The following DPYSL5 variants were observed in gnomAD, a reference collection of about 807,000 sequenced individuals.
The protein encoded by DPYSL5 is dihydropyrimidinase-related protein 5.
DPYSL5 carries 9 observed loss-of-function variants against 58.4 expected under a neutral mutation model. The observed-to-expected ratio is 0.15, with a 90% CI of 0.09 to 0.27. The LOEUF is 0.27. DPYSL5 is among the 10% of genes least tolerant of loss of function. The pLI, the probability that DPYSL5 is intolerant of heterozygous loss-of-function variation, is 1.00. For synonymous variants in DPYSL5, 293 were observed against 301.9 expected (o/e 0.97, Z 0.31); for missense variants, 499 against 770.6 (o/e 0.65, Z 4.17).
At chr2:26,913,440 T>C (rs1186875842) in intron 2 of DPYSL5, among the ~76,000 whole-genome samples, 1 of 152,222 alleles carries the variant, frequency 6.6e-6, no homozygotes, top group Non-Finnish European at 1.5e-5. Flanking sequence ...GGTGTCAGAA[T>C]GTCCTTCCTT....
At chr2:26,861,788 C>T (rs1277410616) in intron 1 of DPYSL5, among the ~76,000 whole-genome samples, 1 of 152,192 alleles carries the variant, frequency 6.6e-6, no homozygotes, top group Non-Finnish European at 1.5e-5. Flanking sequence ...TTATGTAATC[C>T]TCTATCTTTG....
At chr2:26,939,687 A>T in intron 8 of DPYSL5, 1 of 221,658 alleles carries the variant, frequency 4.5e-6, no homozygotes, top group East Asian at 1.1e-4. Context: ...GGGAATTGGT[A>T]TACAATTCCA....
In DPYSL5 at chr2:26,931,630, T is replaced by C; in HGVS notation, c.670-10T>C. On this transcript the variant is annotated splice_polypyrimidine_tract_variant and intron_variant, in intron 5 of 12. Coordinates refer to ENST00000288699, the MANE Select transcript of DPYSL5 (RefSeq NM_020134.4). ...AAGTTTGGTTTCCTCCTGTCCTTTG[T>C]TTCTAACAGCTGGAAGCTGAAGCCA... The C allele has an allele frequency of 6.2e-7, 1 of 1,613,922 alleles. No homozygotes were observed. The highest frequency in any genetic ancestry group is 8.5e-7 in the Non-Finnish European group (1 of 1,179,900).
In DPYSL5 at chr2:26,925,569, C is replaced by T. The variant is rs1301058967; in HGVS notation, c.420+524C>T. On this transcript the variant is annotated intron_variant, in intron 3 of 12. Transcript: ENST00000288699. This position sits in a 1 kb window ranked among gnomAD's most constrained non-coding sequence, Gnocchi z 4.5. ...GCTTCTGCTCTGAGAAGCATCGAGG[C>T]TGTCCTGGTCTGTGACTGAGGCTGG... 6.6e-6 allele frequency among the ~76,000 whole-genome samples: 1 copy of T among 152,248 alleles called. No individual in the cohort carries two copies. Among genetic ancestry groups the T allele is most frequent in the Non-Finnish European group, 1.5e-5 (1 of 68,040 alleles).
rs1433989695 is a variant in DPYSL5 at position 26,944,292 on chromosome 2, A to C, written c.1441-364A>C. Among the ~76,000 whole-genome samples the C allele has an allele frequency of 6.6e-6, 1 of 152,142 alleles. No homozygotes were observed. Among genetic ancestry groups the C allele is most frequent in the African/African-American group, 2.4e-5 (1 of 41,430 alleles). ...AGAGTGAGACTCTGTCTCAAAAAAA[A>C]GAAAAGAAAAATTTGGTTAAAGTTG... On this transcript the variant is annotated intron_variant, in intron 11 of 12. Transcript: ENST00000288699. The surrounding 1 kb of genome is among the most constrained non-coding windows in gnomAD (Gnocchi z 4.4).
intron 1 of DPYSL5, among the ~76,000 whole-genome samples, chr2:26,854,156 G>T (rs898250423): frequency 6.6e-6 from 1 of 152,046 alleles, no homozygotes. Flanking sequence ...GCCTAGCAAA[G>T]TTGACACAAA....
chr2:26,917,234 T>C (rs1421387699), intron 2 of DPYSL5, among the ~76,000 whole-genome samples: 2 of 152,182 alleles, frequency 1.3e-5, no homozygotes, highest in African/African-American at 4.8e-5. Context: ...CAAAGTAAGG[T>C]CAGGAAGTGG....
At chr2:26,874,326 T>A (rs12992813) in intron 1 of DPYSL5, among the ~76,000 whole-genome samples, 48,783 of 152,042 alleles carry the variant, frequency 0.32, 8,826 homozygotes, top group Admixed American at 0.44. Flanking sequence ...TTTTATGTCC[T>A]AACCCAAGAT....
intron 4 of DPYSL5, 76 bp from the exon 5 acceptor site, chr2:26,928,178 CT>C: frequency 1.4e-6 from 2 of 1,458,106 alleles, no homozygotes; most frequent in Non-Finnish European, 1.9e-6. Context: ...GCATATTTCA[CT>C]GTCCCTTGGG....
chr2:26,857,438 G>A (rs1236511415), intron 1 of DPYSL5, among the ~76,000 whole-genome samples: 1 of 152,090 alleles, frequency 6.6e-6, no homozygotes, highest in Non-Finnish European at 1.5e-5. Context: ...TACTTGGGAA[G>A]CTGAGGCAGG....
chr2:26,884,088 T>C (rs1167769562), intron 1 of DPYSL5, among the ~76,000 whole-genome samples: 1 of 152,162 alleles, frequency 6.6e-6, no homozygotes, highest in Non-Finnish European at 1.5e-5. Context: ...ATGGAATTAT[T>C]TCTGGGGCCT....
At chr2:26,896,129 G>C (rs1032473708) in intron 1 of DPYSL5, among the ~76,000 whole-genome samples, 11 of 152,082 alleles carry the variant, frequency 7.2e-5, no homozygotes, top group African/African-American at 2.7e-4. Context: ...GTAGGAGTGA[G>C]AGCATGTGGT....
chr2:26,919,048 A>C (rs907664532), intron 2 of DPYSL5, among the ~76,000 whole-genome samples: 5 of 152,170 alleles, frequency 3.3e-5, no homozygotes, highest in African/African-American at 1.2e-4. Context: ...ATGGTAAGAG[A>C]GTGAATCTTC....
intron 1 of DPYSL5, among the ~76,000 whole-genome samples, chr2:26,869,787 G>A (rs1293496154): frequency 3.9e-5 from 6 of 152,164 alleles, no homozygotes; most frequent in East Asian, 1.9e-4. Flanking sequence ...TGAGGTGGGC[G>A]GATCACGAAG....
intron 8 of DPYSL5, among the ~76,000 whole-genome samples, chr2:26,936,926 A>G (rs1305900783): frequency 9.0e-6 from 1 of 111,022 alleles, no homozygotes; most frequent in Non-Finnish European, 1.9e-5. Context: ...AGCGTGGGCA[A>G]CAAGAGCAAG....
chr2:26,915,318 C>A (rs959248969), intron 2 of DPYSL5, among the ~76,000 whole-genome samples: 1 of 152,234 alleles, frequency 6.6e-6, no homozygotes, highest in African/African-American at 2.4e-5. Flanking sequence ...AGCCAGAAAC[C>A]AAATCCAGGT....
intron 8 of DPYSL5, among the ~76,000 whole-genome samples, chr2:26,935,142 C>T (rs1260142223): frequency 6.6e-6 from 1 of 152,142 alleles, no homozygotes; most frequent in East Asian, 1.9e-4. Context: ...CTGTACATCC[C>T]TCCTTCTGTG....
Position 26,877,614 on chromosome 2 carries a change from C to T in DPYSL5, c.-4-20882C>T, listed in dbSNP as rs552711054. Among the ~76,000 whole-genome samples the T allele has an allele frequency of 1.6e-4, 24 of 152,304 alleles. No individual in the cohort carries two copies. In the South Asian group the frequency reaches 2.3e-3, roughly 14 times the overall value. The stretch of plus-strand genomic sequence containing the variant: ...TACTCCCCTTTCCCCCTAAATAAGA[C>T]ACTGTCACACAATATCTTTTAACTC... On this transcript the variant is annotated intron_variant, in intron 1 of 12. Transcript: ENST00000288699. This position sits in a 1 kb window ranked among gnomAD's most constrained non-coding sequence, Gnocchi z 4.1.
chr2:26,947,016 A>T lies in DPYSL5; in HGVS notation c.*21A>T, dbSNP rs746164447. ...GGTAAAGGCATTGCCAAGCCCCCCGAGTGAGGACGCACCGCCGCCACCAGC... is the reference window on the plus strand; with the variant it reads ...GGTAAAGGCATTGCCAAGCCCCCCGTGTGAGGACGCACCGCCGCCACCAGC... On this transcript the variant is annotated 3_prime_UTR_variant, in exon 13 of 13. Transcript: ENST00000288699. This position sits in a 1 kb window ranked among gnomAD's most constrained non-coding sequence, Gnocchi z 4.2. 4 of 1,585,976 alleles carry T rather than the reference A, an allele frequency of 2.5e-6. No individual in the cohort carries two copies. The highest frequency in any genetic ancestry group is 3.5e-6 in the Non-Finnish European group (4 of 1,156,606).
Sources: gnomAD v4.1 joint callset for allele counts (sites outside exome capture counted in the v4.1 genomes callset) on GRCh38, gnomAD v4.1.1 for gene constraint, Gnocchi (gnomAD v3.1) non-coding constraint, MANE v1.5 for transcripts, NCBI Gene and HGNC (gene_info 2026-07-23, HGNC 2026-07-21) for gene names.